THADA: variants seen among roughly 807,000 people sequenced by gnomAD.
The protein encoded by THADA is tRNA (32-2'-O)-methyltransferase regulator THADA.
Under a neutral mutation model 219.8 loss-of-function variants are expected in THADA, and 213 were observed. The observed-to-expected ratio is 0.97, with a 90% CI of 0.87 to 1.09. THADA has a LOEUF of 1.09. Ranked by LOEUF, THADA falls within the 50% of genes least tolerant of loss-of-function variation. The pLI is 0.00. For missense variants in THADA, 2,956 were observed against 2,311.3 expected, an observed-to-expected ratio of 1.28 and a Z score of -5.72; for synonymous variants, 1,018 against 828.9, an observed-to-expected ratio of 1.23 and a Z score of -3.92.
chr2:43,546,383 G>GTTCTGTAGAAT, intron 20 of THADA, among the ~76,000 whole-genome samples: 1 of 152,224 alleles, frequency 6.6e-6, no homozygotes, highest in East Asian at 1.9e-4. Flanking sequence ...ATGTCTATTA[G>GTTCTGTAGAAT]GTCCGCTTGG....
chr2:43,427,392 C>A (rs1678590089), intron 28 of THADA, among the ~76,000 whole-genome samples: 1 of 152,014 alleles, frequency 6.6e-6, no homozygotes, highest in Admixed American at 6.6e-5. Flanking sequence ...ACATTACTTA[C>A]ACAGGTTCTA....
At chr2:43,276,699 T>C (rs994842845) in intron 36 of THADA, among the ~76,000 whole-genome samples, 7 of 152,152 alleles carry the variant, frequency 4.6e-5, no homozygotes, top group African/African-American at 1.4e-4. Context: ...GATAAAGGTC[T>C]CCCTTTGCCC....
intron 35 of THADA, among the ~76,000 whole-genome samples, chr2:43,280,787 G>A (rs1185817359): frequency 6.6e-6 from 1 of 152,226 alleles, no homozygotes; most frequent in Non-Finnish European, 1.5e-5. Flanking sequence ...CCTGTGCTAG[G>A]TGCTGCTGCG....
chr2:43,392,364 T>C (rs1009972792), intron 29 of THADA, among the ~76,000 whole-genome samples: 1 of 152,202 alleles, frequency 6.6e-6, no homozygotes, highest in Non-Finnish European at 1.5e-5. Flanking sequence ...TGCTTCCTTA[T>C]TTAAGAAACT....
At chr2:43,388,724 G>T (rs764476298) in intron 29 of THADA, among the ~76,000 whole-genome samples, 3 of 152,198 alleles carry the variant, frequency 2.0e-5, no homozygotes, top group African/African-American at 7.2e-5. Context: ...TGACTGACCG[G>T]AGGAACCTCT....
chr2:43,527,199 C>T (rs1475202757), intron 22 of THADA, among the ~76,000 whole-genome samples: 1 of 152,138 alleles, frequency 6.6e-6, no homozygotes, highest in East Asian at 1.9e-4. Context: ...CAAAAAGTTT[C>T]CAGGCAATGG....
Position 43,232,665 on chromosome 2 carries a change from T to G in THADA, c.5466+48A>C, listed in dbSNP as rs576308178. On this transcript the variant is annotated intron_variant, in intron 37 of 37. Transcript: ENST00000405975. Reference sequence around the variant, plus strand: ...CTGTAGGTGCTGCATCTAGCGGGTTTAGGACACTCCAACCCTGCCTCCTAC... The same window carrying G: ...CTGTAGGTGCTGCATCTAGCGGGTTGAGGACACTCCAACCCTGCCTCCTAC... 24 of 1,598,220 alleles carry G rather than the reference T, an allele frequency of 1.5e-5. 1 individual carries two copies. In the South Asian group the frequency reaches 2.2e-4, roughly 15 times the overall value.
chr2:43,279,932 T>C, intron 35 of THADA, 36 bp from the exon 36 acceptor site: 4 of 1,481,994 alleles, frequency 2.7e-6, no homozygotes, highest in Non-Finnish European at 3.6e-6. Context: ...TTACCTAGAA[T>C]GCAATTAACA....
intron 26 of THADA, among the ~76,000 whole-genome samples, chr2:43,446,049 G>T (rs946939306): frequency 5.3e-4 from 81 of 152,306 alleles, no homozygotes; most frequent in African/African-American, 1.9e-3. Context: ...CAGTGAGTTG[G>T]TGAGTAAATA....
intron 30 of THADA, among the ~76,000 whole-genome samples, chr2:43,321,722 G>A (rs1423463091): frequency 6.6e-6 from 1 of 152,188 alleles, no homozygotes; most frequent in Non-Finnish European, 1.5e-5. Context: ...GACTAAGACA[G>A]ACTTACTGTG....
chr2:43,448,568 T>C (rs1665246239), intron 26 of THADA, among the ~76,000 whole-genome samples: 1 of 150,336 alleles, frequency 6.7e-6, no homozygotes, highest in South Asian at 2.1e-4. Context: ...TTCTTTTTTT[T>C]TTTTTTTTTT....
In THADA at chr2:43,266,309, G is replaced by A. The variant is rs566490416; in HGVS notation, c.5296+13456C>T. ...GCCACTCTAGAATGTAACATGCTCC[G>A]GGCTGGGCATGGTGGCTCACGCCTG... On this transcript the variant is annotated intron_variant, in intron 36 of 37. Coordinates refer to ENST00000405975, the MANE Select transcript of THADA (RefSeq NM_022065.5). Among the ~76,000 whole-genome samples the A allele has an allele frequency of 3.7e-4, 56 of 152,258 alleles. 1 individual carries two copies. The highest frequency in any genetic ancestry group is 6.5e-4 in the Non-Finnish European group (44 of 68,024).
At chr2:43,429,536 C>T (rs1678960278) in intron 27 of THADA, among the ~76,000 whole-genome samples, 1 of 152,036 alleles carries the variant, frequency 6.6e-6, no homozygotes, top group African/African-American at 2.4e-5. Flanking sequence ...CACAAGTGAT[C>T]ATATTAGTCA....
chr2:43,387,622 C>T (rs1672850134), intron 29 of THADA, among the ~76,000 whole-genome samples: 1 of 151,986 alleles, frequency 6.6e-6, no homozygotes. Flanking sequence ...TACCATGGAA[C>T]AAAGGTTCTC....
At chr2:43,422,562 T>G (rs572761933) in intron 28 of THADA, among the ~76,000 whole-genome samples, 6 of 152,340 alleles carry the variant, frequency 3.9e-5, no homozygotes, top group African/African-American at 1.4e-4. Context: ...CCAGGATATC[T>G]CATTCACCAA....
At chr2:43,406,962 C>T (rs1054659975) in intron 28 of THADA, among the ~76,000 whole-genome samples, 1 of 152,202 alleles carries the variant, frequency 6.6e-6, no homozygotes, top group Non-Finnish European at 1.5e-5. Context: ...TCTGCTCGGG[C>T]TACACAAACA....
chr2:43,565,467 CATAA>C (rs1456647807), intron 15 of THADA: 1 of 150,960 alleles, frequency 6.6e-6, no homozygotes, highest in Non-Finnish European at 1.5e-5. Flanking sequence ...CTAGGTAGAG[CATAA>C]ATAGCTATTC....
chr2:43,451,050 T>C (rs535391501), intron 26 of THADA, among the ~76,000 whole-genome samples: 1 of 152,304 alleles, frequency 6.6e-6, no homozygotes. Flanking sequence ...AATATAAATA[T>C]AGTTAATATC....
chr2:43,551,481 G>A (rs1364429676), intron 19 of THADA, among the ~76,000 whole-genome samples: 1 of 151,742 alleles, frequency 6.6e-6, no homozygotes, highest in African/African-American at 2.4e-5. Context: ...AAAATCTGGA[G>A]CATTTTGTAT....
Sources: allele counts gnomAD v4.1 joint callset (sites outside exome capture counted in the v4.1 genomes callset), GRCh38; gene constraint gnomAD v4.1.1; transcripts MANE v1.5; gene names NCBI Gene and HGNC (gene_info 2026-07-23, HGNC 2026-07-21).